CHD9: variants seen among roughly 807,000 people sequenced by gnomAD.
CHD9 encodes chromodomain helicase DNA binding protein 9, also known as ATP-dependent chromatin remodeler CHD9.
A neutral mutation model predicts 316.1 loss-of-function variants in CHD9; 77 were observed. The observed-to-expected ratio is 0.24, with a 90% CI of 0.20 to 0.29. CHD9 has a LOEUF of 0.29. CHD9 is among the 10% of genes least tolerant of loss of function. The probability of loss-of-function intolerance (pLI) is 1.00; values close to 1 mark genes in which losing one functional copy is unlikely to be tolerated. For synonymous variants in CHD9, 1,129 were observed against 1,158.3 expected (o/e 0.97, Z 0.51); for missense variants, 2,763 against 3,438.1 (o/e 0.80, Z 4.91).
At chr16:53,205,577 T>C (rs1293198823) in intron 2 of CHD9, among the ~76,000 whole-genome samples, 1 of 152,252 alleles carries the variant, frequency 6.6e-6, no homozygotes, top group Non-Finnish European at 1.5e-5. Context: ...CCTCTGTTGA[T>C]ATTCTGTGGG....
rs779303481 is a variant in CHD9 at position 53,093,348 on chromosome 16, AG to A, written c.-165+38272del. ...ACCCCCATTTATTGGGTTGTTGTAA[AG>A]CTTAGATGGGATTATCTATTACAGC... On this transcript the variant is annotated intron_variant, in intron 1 of 38. Transcript: ENST00000447540. 2.8e-3 allele frequency among the ~76,000 whole-genome samples: 425 copies of A among 152,352 alleles called. 1 individual carries two copies. The highest frequency in any genetic ancestry group is 0.014 in the Middle Eastern group (4 of 294).
chr16:53,297,138 G>C lies in CHD9; in HGVS notation c.5693G>C (p.Cys1898Ser). The stretch of plus-strand genomic sequence containing the variant: ...TTCATGTCCATGTGTCGGAGGGTTT[G>C]TCGTCTTCCTTCCAAAGAAGGTATG... The part of the protein sequence containing the change: ...YAFMSMCRRV[C>S]RLPSKEELVD... The change falls in exon 30 of 39, where the codon TGT (cysteine) becomes TCT (serine). Residue 1898 changes from cysteine to serine, a missense_variant. Around this residue, in one of 15 missense-constraint regions of CHD9, gnomAD observed 183 missense variants for 258.5 expected, o/e 0.71. Transcript: ENST00000447540. 1 of 1,613,448 alleles carries C rather than the reference G, an allele frequency of 6.2e-7. No individual in the cohort carries two copies. Among genetic ancestry groups the C allele is most frequent in the Non-Finnish European group, 8.5e-7 (1 of 1,179,564 alleles).
intron 2 of CHD9, chr16:53,207,957 A>AAGG: frequency 1.2e-6 from 1 of 839,354 alleles, no homozygotes. Context: ...ACTTCCGCAG[A>AAGG]AGGAGTCAGT....
intron 1 of CHD9, among the ~76,000 whole-genome samples, chr16:53,114,187 T>G (rs2038091769): frequency 6.6e-6 from 1 of 152,202 alleles, no homozygotes; most frequent in Non-Finnish European, 1.5e-5. Context: ...CACCACTATT[T>G]GGTCTAATTT....
intron 1 of CHD9, chr16:53,122,031 T>C (rs2038762862): frequency 6.6e-6 from 1 of 152,204 alleles, no homozygotes; most frequent in East Asian, 1.9e-4. Flanking sequence ...AACATTTAAG[T>C]TATGAATCTG....
At chr16:53,239,704 T>C (rs2048930485) in intron 12 of CHD9, among the ~76,000 whole-genome samples, 1 of 152,086 alleles carries the variant, frequency 6.6e-6, no homozygotes. Context: ...CCTTCTACTT[T>C]TGTCTTCCAA....
intron 22 of CHD9, among the ~76,000 whole-genome samples, chr16:53,271,597 G>GA (rs904783153): frequency 2.0e-4 from 30 of 148,446 alleles, no homozygotes; most frequent in East Asian, 5.9e-4. Flanking sequence ...AAAAGAAAAA[G>GA]AAAAAAAAAC....
In CHD9 at chr16:53,058,259, T is replaced by C. The variant is rs2032408251; in HGVS notation, c.-165+3182T>C. ...CCTCAGCCTCCCATGTAGCTGGTAC[T>C]ACAGGCACATGCCACCACGCCCAGC... On this transcript the variant is annotated intron_variant, in intron 1 of 38. Coordinates refer to ENST00000447540, the MANE Select transcript of CHD9 (RefSeq NM_001308319.2). Among the ~76,000 whole-genome samples, 4 of 152,136 alleles carry C rather than the reference T, an allele frequency of 2.6e-5. No individual in the cohort carries two copies. In the South Asian group the frequency reaches 8.3e-4, roughly 32 times the overall value.
chr16:53,252,697 GA>G (rs74199598), intron 17 of CHD9, among the ~76,000 whole-genome samples: 169 of 76,776 alleles, frequency 2.2e-3, no homozygotes, highest in East Asian at 4.7e-3. Flanking sequence ...ACTCAAATCA[GA>G]AAAAAAAAAA....
intron 38 of CHD9, 47 bp downstream of exon 38, chr16:53,321,677 T>G: frequency 1.0e-6 from 1 of 979,846 alleles, no homozygotes; most frequent in Non-Finnish European, 1.5e-6. Flanking sequence ...TCAAATTAGG[T>G]GCCATTCAAT....
At chr16:53,131,410 G>A (rs943604188) in intron 1 of CHD9, 3 of 145,642 alleles carry the variant, frequency 2.1e-5, no homozygotes, top group African/African-American at 7.4e-5. Context: ...CCGGTCCCGG[G>A]GCCGGGGTCG....
At chr16:53,102,140 G>A (rs2036935104) in intron 1 of CHD9, among the ~76,000 whole-genome samples, 1 of 152,262 alleles carries the variant, frequency 6.6e-6, no homozygotes, top group African/African-American at 2.4e-5. Context: ...CTTGCAATCT[G>A]GAACTCTCTG....
rs1175474547 is a variant in CHD9, at chr16:53,122,881, T to TC, written c.-164-33045_-164-33044insC. Reference sequence around the variant, plus strand: ...GCTACCACGCCCGGCTAATTTTTTTTTTTTTTTTGTATTTTTAGTAGATAA... The same window carrying TC: ...GCTACCACGCCCGGCTAATTTTTTTTCTTTTTTTTGTATTTTTAGTAGATAA... On this transcript the variant is annotated intron_variant, in intron 1 of 38. Transcript: ENST00000447540. Among the ~76,000 whole-genome samples the TC allele has an allele frequency of 5.9e-5, 9 of 151,526 alleles. 1 individual carries two copies. The highest frequency in any genetic ancestry group is 5.9e-4 in the Admixed American group (9 of 15,200).
chr16:53,219,195 T>C (rs896985918), intron 3 of CHD9, among the ~76,000 whole-genome samples: 2 of 152,128 alleles, frequency 1.3e-5, no homozygotes, highest in African/African-American at 4.8e-5. Context: ...CTTGCACTGA[T>C]AGGGTTACGG....
At chr16:53,244,281 C>A (rs2152954017) in intron 13 of CHD9, among the ~76,000 whole-genome samples, 1 of 151,294 alleles carries the variant, frequency 6.6e-6, no homozygotes, top group East Asian at 1.9e-4. Context: ...CAAGCTCTGC[C>A]TCCCGGGTTC....
At chr16:53,109,600 G>T (rs1597017071) in intron 1 of CHD9, among the ~76,000 whole-genome samples, 2 of 151,234 alleles carry the variant, frequency 1.3e-5, no homozygotes, top group Non-Finnish European at 2.9e-5. Context: ...CTCCCAAAGT[G>T]CTGGGATTAC....
In CHD9 at chr16:53,306,378, C is replaced by T; in HGVS notation, c.6761C>T (p.Ala2254Val). Residue 2254 changes from alanine (A) to valine (V), a missense_variant, in exon 32 of 39, where the codon GCA becomes GTA. Ala to Val is a moderately conservative substitution (Grantham distance 64). This residue lies in a region of CHD9 where 663 missense variants were observed against 751.2 expected (regional missense o/e 0.88). Transcript: ENST00000447540. ...ATCTTACAAGGTGGATATATGCTGGCAGCCTCGTATTGGCCAAAGGTAAAG... is the reference window on the plus strand; with the variant it reads ...ATCTTACAAGGTGGATATATGCTGGTAGCCTCGTATTGGCCAAAGGTAAAG... Reference protein sequence around the residue: ...AYILQGGYMLAASYWPKDRVM... With the variant: ...AYILQGGYMLVASYWPKDRVM... The T allele has an allele frequency of 6.3e-7, 1 of 1,593,828 alleles. No homozygotes were observed. The highest frequency in any genetic ancestry group is 1.8e-5 in the Admixed American group (1 of 54,810).
chr16:53,146,199 A>C (rs2040559946), intron 1 of CHD9, among the ~76,000 whole-genome samples: 1 of 148,628 alleles, frequency 6.7e-6, no homozygotes, highest in Non-Finnish European at 1.5e-5. Flanking sequence ...CAACCTGACC[A>C]AAATGGTGAA....
intron 36 of CHD9, among the ~76,000 whole-genome samples, chr16:53,316,870 A>C (rs4784303): frequency 0.12 from 18,408 of 152,190 alleles, 1,301 homozygotes; most frequent in South Asian, 0.23. Flanking sequence ...TGACCAGGTT[A>C]ACACAAGAAG....
Sources: gnomAD v4.1 joint callset for allele counts (sites outside exome capture counted in the v4.1 genomes callset) on GRCh38, gnomAD v4.1.1 for gene constraint, gnomAD v4.1.1 regional missense constraint, MANE v1.5 for transcripts, NCBI Gene and HGNC (gene_info 2026-07-23, HGNC 2026-07-21) for gene names.